RBPJ: variants seen among roughly 807,000 people sequenced by gnomAD.
RBPJ encodes the protein recombination signal binding protein for immunoglobulin kappa J region.
Under a neutral mutation model 67.8 loss-of-function variants are expected in RBPJ, and 9 were observed. That is an observed-to-expected ratio of 0.13 (90% CI 0.08 to 0.23). The LOEUF (loss-of-function observed/expected upper bound fraction) is 0.23. Among genes scored for constraint, RBPJ ranks in the 10% least tolerant of loss-of-function variants. The probability of loss-of-function intolerance (pLI) is 1.00; values close to 1 mark genes in which losing one functional copy is unlikely to be tolerated. For missense variants in RBPJ, 305 were observed against 595.6 expected, an observed-to-expected ratio of 0.51 and a Z score of 5.08; for synonymous variants, 198 against 203.3, an observed-to-expected ratio of 0.97 and a Z score of 0.22.
At chr4:26,321,074 G>A (rs375112308) in intron 1 of RBPJ, 26 bp downstream of exon 1, 125 of 1,567,360 alleles carry the variant, frequency 8.0e-5, no homozygotes, top group Non-Finnish European at 1.0e-4. Flanking sequence ...TCGGAGCGCC[G>A]GGAACCGGGA....
chr4:26,111,857 C>T, the RBPJ span: 1 of 184,594 alleles, frequency 5.4e-6, no homozygotes, highest in South Asian at 1.3e-4. Context: ...TCCTCCACTA[C>T]ACAGAAAATG....
chr4:26,261,939 T>A (rs1464666264), intron 1 of RBPJ, among the ~76,000 whole-genome samples: 1 of 152,242 alleles, frequency 6.6e-6, no homozygotes, highest in Non-Finnish European at 1.5e-5. Context: ...ATTTTTTATT[T>A]TAAAATTTTT....
intron 3 of RBPJ, among the ~76,000 whole-genome samples, chr4:26,414,862 C>A (rs1000360353): frequency 1.3e-5 from 2 of 152,142 alleles, no homozygotes; most frequent in Admixed American, 6.5e-5. Context: ...ATATCTACAG[C>A]GCACCAGGTG....
chr4:26,430,044 G>C lies in RBPJ; in HGVS notation c.1035G>C (p.Glu345Asp). 6.2e-7 allele frequency: 1 copy of C among 1,614,068 alleles called. No homozygotes were observed. The highest frequency in any genetic ancestry group is 8.5e-7 in the Non-Finnish European group (1 of 1,179,986). Residue 345 changes from glutamate to aspartate, a missense_variant, in exon 9 of 11, where the codon GAG becomes GAC. By Grantham distance (45) the Glu-to-Asp change is conservative. This residue lies in a region of RBPJ where 16 missense variants were observed against 17.1 expected (regional missense o/e 0.94). Transcript: ENST00000355476. The surrounding 1 kb of genome is among the most constrained non-coding windows in gnomAD (Gnocchi z 4.1). ...CAGTCACTCCTGTGCCTGTGGTAGA[G>C]AGCCTTCAGGTGAGAACGCCTAGTC... ...LAPVTPVPVV[E>D]SLQLNGGGDV...
intron 1 of RBPJ, among the ~76,000 whole-genome samples, chr4:26,358,020 CGTGT>C (rs4069724): frequency 1.6e-3 from 229 of 145,116 alleles, no homozygotes; most frequent in African/African-American, 2.6e-3. Flanking sequence ...AGGGGGTATT[CGTGT>C]GTGTGTGTGT....
chr4:26,404,176 G>A (rs1327807580), intron 2 of RBPJ, among the ~76,000 whole-genome samples: 1 of 151,870 alleles, frequency 6.6e-6, no homozygotes, highest in Non-Finnish European at 1.5e-5. Flanking sequence ...TCATATGCTT[G>A]TTGGAACACT....
chr4:26,179,877 TG>T (rs1177847544), intron 1 of RBPJ, among the ~76,000 whole-genome samples: 1 of 152,170 alleles, frequency 6.6e-6, no homozygotes, highest in African/African-American at 2.4e-5. Flanking sequence ...TGCATGCAAA[TG>T]TTTATTGCAG....
chr4:26,131,349 T>A, the RBPJ span, among the ~76,000 whole-genome samples: 5 of 152,246 alleles, frequency 3.3e-5, no homozygotes, highest in Non-Finnish European at 5.9e-5. Flanking sequence ...AGCAATTTTT[T>A]AAAAAATGTT....
the RBPJ span, among the ~76,000 whole-genome samples, chr4:26,129,844 G>C: frequency 5.3e-5 from 8 of 151,932 alleles, no homozygotes; most frequent in African/African-American, 1.5e-4. Flanking sequence ...AATATTGATG[G>C]CAGAGAGATT....
chr4:26,128,178 G>T, the RBPJ span, among the ~76,000 whole-genome samples: 2 of 152,228 alleles, frequency 1.3e-5, no homozygotes, highest in African/African-American at 4.8e-5. Context: ...AAGCAGGTGG[G>T]TTTAGTTGCC....
intron 1 of RBPJ, among the ~76,000 whole-genome samples, chr4:26,208,091 G>A (rs536866261): frequency 6.6e-6 from 1 of 152,186 alleles, no homozygotes. Context: ...GGCAGGACTG[G>A]GCTTCAAGCG....
At chr4:26,250,602 G>T (rs1349542591) in intron 1 of RBPJ, among the ~76,000 whole-genome samples, 3 of 152,020 alleles carry the variant, frequency 2.0e-5, no homozygotes, top group Non-Finnish European at 2.9e-5. Context: ...CAAAGTGCTG[G>T]GACACAGATG....
intron 1 of RBPJ, chr4:26,321,430 C>G (rs534258124): frequency 6.6e-6 from 1 of 152,004 alleles, no homozygotes; most frequent in Non-Finnish European, 1.5e-5. Flanking sequence ...GTGCCCCCGG[C>G]CCCGGGCGCT....
At chr4:26,341,795 G>A (rs573006069) in intron 1 of RBPJ, among the ~76,000 whole-genome samples, 1 of 152,272 alleles carries the variant, frequency 6.6e-6, no homozygotes, top group South Asian at 2.1e-4. Context: ...TGTTGTAAAA[G>A]GATGCAAAGA....
intron 1 of RBPJ, among the ~76,000 whole-genome samples, chr4:26,255,621 T>C (rs567605109): frequency 4.7e-5 from 7 of 148,846 alleles, no homozygotes; most frequent in Admixed American, 3.3e-4. Flanking sequence ...GCTAACACGG[T>C]GAAACCCCGT....
At chr4:26,160,918 CGG>C (rs1716065737), upstream of RBPJ, among the ~76,000 whole-genome samples, 1 of 152,192 alleles carries the variant, frequency 6.6e-6, no homozygotes, top group Non-Finnish European at 1.5e-5. Flanking sequence ...TTCTCTTGCC[CGG>C]TCTCCCACCA....
intron 1 of RBPJ, among the ~76,000 whole-genome samples, chr4:26,210,688 T>TTCTTTCC (rs1718362102): frequency 1.4e-4 from 10 of 70,090 alleles, no homozygotes; most frequent in African/African-American, 2.2e-4. Context: ...CTTTCTTTCC[T>TTCTTTCC]TTCTTTCTTT....
At chr4:26,407,603 A>G (rs1733565722) in intron 3 of RBPJ, among the ~76,000 whole-genome samples, 1 of 152,130 alleles carries the variant, frequency 6.6e-6, no homozygotes, top group South Asian at 2.1e-4. Context: ...CATTCCATGG[A>G]AAAAGCCTGC....
intron 1 of RBPJ, among the ~76,000 whole-genome samples, chr4:26,228,251 C>T (rs868711359): frequency 5.9e-5 from 9 of 152,184 alleles, no homozygotes; most frequent in Non-Finnish European, 7.3e-5. Context: ...CTACTTTATC[C>T]ATTGCTCCCC....
Sources: gnomAD v4.1 joint callset for allele counts (sites outside exome capture counted in the v4.1 genomes callset) on GRCh38, gnomAD v4.1.1 for gene constraint, gnomAD v4.1.1 regional missense constraint, Gnocchi (gnomAD v3.1) non-coding constraint, MANE v1.5 for transcripts, NCBI Gene and HGNC (gene_info 2026-07-23, HGNC 2026-07-21) for gene names.